Variants in SLC9A4 observed in about 807,000 individuals in gnomAD.
The protein encoded by SLC9A4 is solute carrier family 9 member A4, also known as sodium/hydrogen exchanger 4.
SLC9A4 carries 63 observed loss-of-function variants against 67.4 expected under a neutral mutation model. That is an observed-to-expected ratio of 0.93 (90% CI 0.76 to 1.15). The LOEUF (loss-of-function observed/expected upper bound fraction) is 1.15. Ranked by LOEUF, SLC9A4 falls within the 50% of genes most tolerant of loss-of-function variation. The probability of loss-of-function intolerance (pLI) is 0.00; values close to 1 mark genes in which losing one functional copy is unlikely to be tolerated. For synonymous variants in SLC9A4, 393 were observed against 367.2 expected, an observed-to-expected ratio of 1.07 and a Z score of -0.80; for missense variants, 1,089 against 987.7, an observed-to-expected ratio of 1.10 and a Z score of -1.38.
At chr2:102,477,073 C>T (rs1267830946) in intron 1 of SLC9A4, among the ~76,000 whole-genome samples, 2 of 152,178 alleles carry the variant, frequency 1.3e-5, no homozygotes, top group African/African-American at 2.4e-5. Flanking sequence ...GTGAATCTAA[C>T]AATTCCCAAG....
chr2:102,520,032 C>A, intron 9 of SLC9A4, 77 bp downstream of exon 9: 3 of 1,232,874 alleles, frequency 2.4e-6, no homozygotes, highest in Non-Finnish European at 3.5e-6. Context: ...TGTTGATGTT[C>A]AAGTCTCCTG....
intron 2 of SLC9A4, among the ~76,000 whole-genome samples, chr2:102,497,072 A>T (rs909030461): frequency 6.6e-5 from 10 of 152,220 alleles, no homozygotes; most frequent in African/African-American, 2.2e-4. Flanking sequence ...AGCTGGAATT[A>T]CAGGCACATG....
At position 102,473,478 on chromosome 2, in the gene SLC9A4, G is replaced by C. The variant is rs567174735; in HGVS notation, c.-282G>C. The C allele has an allele frequency of 8.2e-4, 354 of 430,668 alleles. 10 individuals are homozygous for C. The South Asian group carries it at 0.012, about 15-fold the overall frequency. The allele number at this position is 430,668 out of a possible 1,614,324, so 26.7% of individuals were successfully genotyped here. A position where few individuals can be genotyped will look rare whatever the true frequency, so the allele number is the denominator to read the frequency against. ...TCATAAATTGCTCAAGCCATGATTG[G>C]ATGGAGGTCCTCCAGGTAGCTCCAT... On this transcript the variant is annotated 5_prime_UTR_variant, in exon 1 of 12. Transcript: ENST00000295269.
intron 2 of SLC9A4, among the ~76,000 whole-genome samples, chr2:102,498,704 G>A (rs1466435171): frequency 6.6e-6 from 1 of 152,136 alleles, no homozygotes; most frequent in African/African-American, 2.4e-5. Context: ...ACCGAGTCAA[G>A]ACACAACCAC....
chr2:102,483,765 A>G (rs1009175483), intron 2 of SLC9A4, among the ~76,000 whole-genome samples: 1 of 147,966 alleles, frequency 6.8e-6, no homozygotes, highest in Non-Finnish European at 1.5e-5. Context: ...TACAAAAATT[A>G]GCTTGACCTT....
Position 102,473,667 on chromosome 2 carries a change from C to T in SLC9A4, c.-93C>T. 6.6e-7 allele frequency: 1 copy of T among 1,506,750 alleles called. No individual in the cohort carries two copies. The highest frequency in any genetic ancestry group is 1.3e-5 in the South Asian group (1 of 78,298). 93.3% of individuals were successfully genotyped at this position (1,506,750 alleles called of 1,614,324 possible). A position where few individuals can be genotyped will look rare whatever the true frequency, so the allele number is the denominator to read the frequency against. ...AGACTGTACCTATATTACTTTTGAC[C>T]CAGGTGGATGCAGTCACTCTCTAGA... On this transcript the variant is annotated 5_prime_UTR_variant, in exon 1 of 12. Transcript: ENST00000295269.
intron 5 of SLC9A4, 138 bp downstream of exon 5, chr2:102,508,419 A>G (rs1323417236): frequency 2.5e-5 from 20 of 812,872 alleles, no homozygotes; most frequent in Non-Finnish European, 3.6e-5. Context: ...GGAGATTTCT[A>G]GATCATGTTT....
At chr2:102,512,435 T>A (rs577797459) in intron 7 of SLC9A4, among the ~76,000 whole-genome samples, 162 bp downstream of exon 7, 1 of 152,234 alleles carries the variant, frequency 6.6e-6, no homozygotes, top group Non-Finnish European at 1.5e-5. Flanking sequence ...ATGCTAAGCC[T>A]GGAAAATGAA....
intron 1 of SLC9A4, among the ~76,000 whole-genome samples, chr2:102,475,851 A>G (rs1439906306): frequency 6.6e-6 from 1 of 152,214 alleles, no homozygotes; most frequent in Non-Finnish European, 1.5e-5. Context: ...AATAATAATG[A>G]TGATGATGAT....
In SLC9A4 at chr2:102,502,431, AC is replaced by A. The variant is rs535867109; in HGVS notation, c.721-1015del. On this transcript the variant is annotated intron_variant, in intron 2 of 11. Coordinates refer to ENST00000295269, the MANE Select transcript of SLC9A4 (RefSeq NM_001011552.4). ...GTCTAGGTGCAATCAGGTAAGATACACCACATGATAGGTTAAATAAAAAATG... is the reference window on the plus strand; with the variant it reads ...GTCTAGGTGCAATCAGGTAAGATACACACATGATAGGTTAAATAAAAAATG... Among the ~76,000 whole-genome samples the A allele has an allele frequency of 1.5e-4, 23 of 152,328 alleles. No individual in the cohort carries two copies. In the East Asian group the frequency reaches 2.7e-3, roughly 18 times the overall value.
At position 102,505,360 on chromosome 2, in the gene SLC9A4, G is replaced by A. The variant is rs768668001; in HGVS notation, c.1087G>A (p.Glu363Lys). The change falls in exon 4 of 12, where the codon GAG (glutamate) becomes AAG (lysine). Residue 363 changes from glutamate (E) to lysine (K), a missense_variant. Transcript: ENST00000295269. ...YFMKMLSSVS[E>K]TLIFIFMGVS... Reference sequence around the variant, plus strand: ...CATGAAGATGCTGAGCAGCGTCAGCGAGACCTTGATCTTCATCTTCATGGG... The same window carrying A: ...CATGAAGATGCTGAGCAGCGTCAGCAAGACCTTGATCTTCATCTTCATGGG... 9.3e-6 allele frequency: 15 copies of A among 1,614,104 alleles called. No homozygotes were observed. Among genetic ancestry groups the A allele is most frequent in the Non-Finnish European group, 1.3e-5 (15 of 1,180,044 alleles).
At chr2:102,489,892 T>C (rs1307977446) in intron 2 of SLC9A4, among the ~76,000 whole-genome samples, 1 of 152,172 alleles carries the variant, frequency 6.6e-6, no homozygotes, top group Admixed American at 6.5e-5. Flanking sequence ...TCAGAGAAGG[T>C]GGTTGCCAAT....
rs111547750 is a variant in SLC9A4 at position 102,499,307 on chromosome 2, T to TAGATAGAC, written c.721-4134_721-4133insCAGATAGA. Among the ~76,000 whole-genome samples the TAGATAGAC allele has an allele frequency of 2.9e-3, 445 of 151,920 alleles. 7 individuals carry two copies. The highest frequency in any genetic ancestry group is 9.6e-3 in the African/African-American group (399 of 41,426). Reference sequence around the variant, plus strand: ...ATATATAGATGGATAGATAGATAGATAGATAGATAGAATTAGAAAATACAT... The same window carrying TAGATAGAC: ...ATATATAGATGGATAGATAGATAGATAGATAGACAGATAGATAGAATTAGAAAATACAT... On this transcript the variant is annotated intron_variant, in intron 2 of 11. Coordinates refer to ENST00000295269, the MANE Select transcript of SLC9A4 (RefSeq NM_001011552.4).
chr2:102,516,330 A>G (rs1685277260), intron 8 of SLC9A4, among the ~76,000 whole-genome samples: 1 of 152,210 alleles, frequency 6.6e-6, no homozygotes, highest in Non-Finnish European at 1.5e-5. Context: ...GTTGATATTT[A>G]ATACATATTT....
chr2:102,476,937 A>C (rs1315463571), intron 1 of SLC9A4, among the ~76,000 whole-genome samples: 6 of 152,218 alleles, frequency 3.9e-5, no homozygotes, highest in Admixed American at 3.9e-4. Context: ...CCAACCCTGA[A>C]GCCAAATGAA....
chr2:102,505,141 A>T (rs1257022846), intron 3 of SLC9A4, 113 bp from the exon 4 acceptor site: 1 of 897,280 alleles, frequency 1.1e-6, no homozygotes, highest in Non-Finnish European at 1.7e-6. Flanking sequence ...AATAAGGGAG[A>T]TATTCCTGCA....
chr2:102,500,447 A>G (rs1684907041), intron 2 of SLC9A4, among the ~76,000 whole-genome samples: 1 of 152,190 alleles, frequency 6.6e-6, no homozygotes, highest in South Asian at 2.1e-4. Flanking sequence ...GGAGAGTCAT[A>G]TAGGAGTCAA....
intron 2 of SLC9A4, among the ~76,000 whole-genome samples, chr2:102,491,316 GCTTTTTTTTTT>G (rs1344382542): frequency 5.0e-5 from 2 of 40,380 alleles, no homozygotes; most frequent in African/African-American, 7.7e-5. Flanking sequence ...TTGTACTAAT[GCTTTTTTTTTT>G]TTTTTTTTTT....
At chr2:102,501,756 C>CAA (rs1310691702) in intron 2 of SLC9A4, among the ~76,000 whole-genome samples, 11 of 151,758 alleles carry the variant, frequency 7.2e-5, no homozygotes, top group African/African-American at 2.7e-4. Context: ...ACCCAGAACC[C>CAA]AAGGGCTGTC....
Sources: allele counts gnomAD v4.1 joint callset (sites outside exome capture counted in the v4.1 genomes callset), GRCh38; gene constraint gnomAD v4.1.1; transcripts MANE v1.5; gene names NCBI Gene and HGNC (gene_info 2026-07-23, HGNC 2026-07-21).